The following CACNA2D4 variants were observed in gnomAD, a reference collection of about 807,000 sequenced individuals.
CACNA2D4 encodes the protein voltage-dependent calcium channel subunit alpha-2/delta-4.
In CACNA2D4, 157 loss-of-function variants were observed where a neutral mutation model predicts 163.8. The observed-to-expected ratio is 0.96, with a 90% CI of 0.84 to 1.09. The LOEUF (loss-of-function observed/expected upper bound fraction) is 1.09. Ranked by LOEUF, CACNA2D4 falls within the 50% of genes least tolerant of loss-of-function variation. The probability of loss-of-function intolerance (pLI) is 0.00; values close to 1 mark genes in which losing one functional copy is unlikely to be tolerated. For missense variants in CACNA2D4, 1,410 were observed against 1,479.9 expected, an observed-to-expected ratio of 0.95 and a Z score of 0.78; for synonymous variants, 598 against 586.9, an observed-to-expected ratio of 1.02 and a Z score of -0.27.
chr12:1,793,950 G>T (rs1275173397), intron 37 of CACNA2D4, among the ~76,000 whole-genome samples, 191 bp from the exon 38 acceptor site: 1 of 152,156 alleles, frequency 6.6e-6, no homozygotes, highest in African/African-American at 2.4e-5. Flanking sequence ...CAGCCTGGGA[G>T]GGGGGCACCG....
chr12:1,813,613 A>G (rs1385037204), intron 26 of CACNA2D4, among the ~76,000 whole-genome samples: 2 of 152,214 alleles, frequency 1.3e-5, no homozygotes, highest in East Asian at 3.8e-4. Context: ...CTGAGTTTGC[A>G]GATGAAGAAA....
At chr12:1,851,443 T>C (rs1865276884) in intron 23 of CACNA2D4, among the ~76,000 whole-genome samples, 2 of 152,246 alleles carry the variant, frequency 1.3e-5, no homozygotes. Flanking sequence ...AAAATCCATC[T>C]TTCCTTCATT....
At chr12:1,884,632 T>C in intron 11 of CACNA2D4, 136 bp downstream of exon 11, 1 of 661,502 alleles carries the variant, frequency 1.5e-6, no homozygotes, top group Non-Finnish European at 2.7e-6. Flanking sequence ...TCAATTAAAA[T>C]GCATCTGAAA....
intron 26 of CACNA2D4, among the ~76,000 whole-genome samples, chr12:1,821,170 G>A (rs919352304): frequency 6.6e-6 from 1 of 152,182 alleles, no homozygotes; most frequent in Admixed American, 6.5e-5. Flanking sequence ...CGTTGTGCCC[G>A]GCTCTGCACA....
chr12:1,842,718 G>C (rs74059400), intron 25 of CACNA2D4, among the ~76,000 whole-genome samples: 99 of 152,052 alleles, frequency 6.5e-4, no homozygotes, highest in African/African-American at 2.3e-3. Flanking sequence ...GCCTGGGGCA[G>C]GGGCTGGGGC....
At chr12:1,794,172 C>T (rs948042419) in intron 37 of CACNA2D4, among the ~76,000 whole-genome samples, 2 of 152,122 alleles carry the variant, frequency 1.3e-5, no homozygotes, top group Admixed American at 1.3e-4. Flanking sequence ...TCACATTGCT[C>T]GATCATTCGG....
intron 26 of CACNA2D4, among the ~76,000 whole-genome samples, chr12:1,826,403 C>CA (rs1282693514): frequency 1.2e-4 from 3 of 26,066 alleles, no homozygotes; most frequent in Non-Finnish European, 2.9e-4. Context: ...ACCCAGAGCC[C>CA]CCCCCCCCCC....
At chr12:1,811,430 G>A (rs867123057) in intron 27 of CACNA2D4, among the ~76,000 whole-genome samples, 24 of 152,214 alleles carry the variant, frequency 1.6e-4, no homozygotes, top group African/African-American at 5.1e-4. Flanking sequence ...TTGGAGTGGC[G>A]AGAAGGGGTG....
At chr12:1,908,972 C>T (rs1274825494) in intron 4 of CACNA2D4, among the ~76,000 whole-genome samples, 4 of 152,172 alleles carry the variant, frequency 2.6e-5, no homozygotes, top group Non-Finnish European at 4.4e-5. Flanking sequence ...CCGCGCTGGC[C>T]TTCCACGCAT....
chr12:1,818,989 T>A (rs955447598), intron 26 of CACNA2D4, among the ~76,000 whole-genome samples: 149 of 95,988 alleles, frequency 1.6e-3, no homozygotes, highest in Non-Finnish European at 1.9e-3. Context: ...GATCAATAAA[T>A]ACTAAAAAAA....
intron 2 of CACNA2D4, among the ~76,000 whole-genome samples, chr12:1,913,644 G>T (rs1866889092): frequency 6.6e-6 from 1 of 152,246 alleles, no homozygotes; most frequent in African/African-American, 2.4e-5. Context: ...TCCCAGCAGA[G>T]CTCAGCAGCT....
intron 35 of CACNA2D4, among the ~76,000 whole-genome samples, chr12:1,796,811 G>A (rs114357450): frequency 9.1e-4 from 139 of 152,318 alleles, no homozygotes; most frequent in African/African-American, 3.2e-3. Context: ...GGGTCCTCCC[G>A]GGCTTGGGTG....
chr12:1,896,604 TAAACACACACACAC>T (rs1450182924), intron 6 of CACNA2D4, among the ~76,000 whole-genome samples: 4 of 103,320 alleles, frequency 3.9e-5, no homozygotes, highest in African/African-American at 1.5e-4. Context: ...TAGCTATTAA[TAAACACACACACAC>T]ACACACACAC....
chr12:1,841,035 G>A (rs1228549825), intron 25 of CACNA2D4, among the ~76,000 whole-genome samples: 1 of 152,268 alleles, frequency 6.6e-6, no homozygotes, highest in East Asian at 1.9e-4. Flanking sequence ...CATGGCCTCT[G>A]GCCGCCAGCA....
At chr12:1,838,768 G>A (rs1864946885) in intron 26 of CACNA2D4, among the ~76,000 whole-genome samples, 1 of 152,162 alleles carries the variant, frequency 6.6e-6, no homozygotes. Flanking sequence ...AGACCTTCAG[G>A]TGTACAGGAG....
intron 18 of CACNA2D4, among the ~76,000 whole-genome samples, chr12:1,871,090 G>A (rs1183815596): frequency 1.3e-5 from 2 of 151,300 alleles, no homozygotes; most frequent in Non-Finnish European, 3.0e-5. Context: ...TTGCTGGTGT[G>A]TGTGTACGTG....
intron 6 of CACNA2D4, among the ~76,000 whole-genome samples, chr12:1,904,835 T>C (rs967766214): frequency 1.3e-5 from 2 of 151,970 alleles, no homozygotes; most frequent in Non-Finnish European, 2.9e-5. Context: ...CAGAAAATGA[T>C]GGACAAAAAA....
At position 1,883,737 on chromosome 12, in the gene CACNA2D4, T is replaced by C. The variant is rs553967885; in HGVS notation, c.1351+506A>G. ...CTGAACAGTCTGTGTCTCTCCACCA[T>C]CAAAGCACATTTCAGGCTGCATCGT... On this transcript the variant is annotated intron_variant, in intron 12 of 37. Coordinates refer to ENST00000382722, the MANE Select transcript of CACNA2D4 (RefSeq NM_172364.5). This position sits in a 1 kb window ranked among gnomAD's most constrained non-coding sequence, Gnocchi z 4.5. 6.6e-6 allele frequency among the ~76,000 whole-genome samples: 1 copy of C among 152,246 alleles called. No individual in the cohort carries two copies. Among genetic ancestry groups the C allele is most frequent in the Admixed American group, 6.5e-5 (1 of 15,290 alleles).
chr12:1,830,941 C>T (rs1323014857), intron 26 of CACNA2D4: 2 of 1,597,488 alleles, frequency 1.3e-6, no homozygotes, highest in Admixed American at 1.7e-5. Context: ...CAAGGGATCA[C>T]CTGCTGGATC....
Sources: allele counts gnomAD v4.1 joint callset (sites outside exome capture counted in the v4.1 genomes callset), GRCh38; gene constraint gnomAD v4.1.1; non-coding constraint Gnocchi (gnomAD v3.1); transcripts MANE v1.5; gene names NCBI Gene and HGNC (gene_info 2026-07-23, HGNC 2026-07-21).